Variants in ACAD10 observed in about 807,000 individuals in gnomAD.
ACAD10 encodes acyl-CoA dehydrogenase family member 10, also known as ACAD-10.
In ACAD10, 112 loss-of-function variants were observed where a neutral mutation model predicts 116.8. That is an observed-to-expected ratio of 0.96 (90% confidence interval 0.82 to 1.12). The LOEUF (loss-of-function observed/expected upper bound fraction) is 1.12, where lower values mean the gene tolerates loss of function less well. Ranked by LOEUF, ACAD10 falls within the 50% of genes most tolerant of loss-of-function variation. ACAD10 has a pLI of 0.00. For missense variants in ACAD10, 1,259 were observed against 1,350.2 expected, an observed-to-expected ratio of 0.93 and a Z score of 1.06; for synonymous variants, 486 against 510.6, an observed-to-expected ratio of 0.95 and a Z score of 0.65.
chr12:111,747,643 C>A, intron 16 of ACAD10: 1 of 1,286,178 alleles, frequency 7.8e-7, no homozygotes, highest in Non-Finnish European at 9.9e-7. Flanking sequence ...GCACATGTGA[C>A]CCCAGGAATC....
intron 7 of ACAD10, among the ~76,000 whole-genome samples, chr12:111,719,398 C>T (rs1888949482): frequency 1.3e-5 from 2 of 151,858 alleles, no homozygotes; most frequent in African/African-American, 4.8e-5. Flanking sequence ...GGACTACAGG[C>T]ACATACCACC....
intron 2 of ACAD10, among the ~76,000 whole-genome samples, chr12:111,699,165 A>C (rs550274029): frequency 3.9e-4 from 60 of 152,304 alleles, no homozygotes; most frequent in Non-Finnish European, 6.9e-4. Flanking sequence ...GATTTTAGCC[A>C]TGAGTCACCA....
At chr12:111,752,870 G>A (rs925818859) in intron 18 of ACAD10, 2 of 151,328 alleles carry the variant, frequency 1.3e-5, no homozygotes, top group Admixed American at 1.3e-4. Context: ...TAGGCTGGGT[G>A]TGGTGGTTCA....
intron 3 of ACAD10, 33 bp from the exon 4 acceptor site, chr12:111,705,705 T>C (rs1566145324): frequency 1.9e-6 from 3 of 1,582,476 alleles, no homozygotes; most frequent in Admixed American, 1.8e-5. Context: ...CTCTTAATGA[T>C]TGCTGTTCTC....
intron 3 of ACAD10, among the ~76,000 whole-genome samples, chr12:111,705,257 A>G (rs1888464826): frequency 6.6e-6 from 1 of 151,544 alleles, no homozygotes; most frequent in Admixed American, 6.6e-5. Context: ...TCCATTCCCT[A>G]CTGTGTTGCT....
chr12:111,754,339 AG>A (rs1464828250), intron 19 of ACAD10, among the ~76,000 whole-genome samples: 1 of 152,172 alleles, frequency 6.6e-6, no homozygotes, highest in African/African-American at 2.4e-5. Context: ...TTATTTTTTG[AG>A]ACAGGGCCTT....
intron 2 of ACAD10, among the ~76,000 whole-genome samples, chr12:111,697,167 G>C (rs695047): frequency 0.18 from 26,812 of 151,290 alleles, 2,462 homozygotes; most frequent in East Asian, 0.28. Context: ...CTGGAACTCG[G>C]GAGGCAGAGG....
chr12:111,704,688 CTTTTTTTTTTT>C, intron 3 of ACAD10, among the ~76,000 whole-genome samples: 1 of 126,136 alleles, frequency 7.9e-6, no homozygotes, highest in South Asian at 2.5e-4. Flanking sequence ...TTCTTTCTTT[CTTTTTTTTTTT>C]TTTTTTGAGA....
At chr12:111,735,914 CTG>C (rs1335919025) in intron 11 of ACAD10, among the ~76,000 whole-genome samples, 1 of 152,148 alleles carries the variant, frequency 6.6e-6, no homozygotes, top group African/African-American at 2.4e-5. Context: ...GAGTCTCACT[CTG>C]TCGCCCAGGC....
At position 111,756,605 on chromosome 12, in the gene ACAD10, G is replaced by C. The variant is rs1205414809; in HGVS notation, c.*132G>C. ...CAGCAGCTCTGTCCCGGGACAGTCA[G>C]GGTGGACTCAATCTTTCTGGTTCTC... On this transcript the variant is annotated 3_prime_UTR_variant, in exon 21 of 21. Coordinates refer to ENST00000313698, the MANE Select transcript of ACAD10 (RefSeq NM_025247.6). 7.2e-7 allele frequency: 1 copy of C among 1,381,778 alleles called. No individual in the cohort carries two copies. The highest frequency in any genetic ancestry group is 1.4e-5 in the African/African-American group (1 of 70,086). 85.6% of individuals were successfully genotyped at this position (1,381,778 alleles called of 1,614,324 possible).
chr12:111,706,159 A>C (rs1201136245), intron 4 of ACAD10, among the ~76,000 whole-genome samples: 1 of 152,210 alleles, frequency 6.6e-6, no homozygotes, highest in Non-Finnish European at 1.5e-5. Flanking sequence ...TTGACACTTC[A>C]GCTTTACATT....
At chr12:111,701,607 A>C (rs185856635) in intron 2 of ACAD10, among the ~76,000 whole-genome samples, 1 of 152,284 alleles carries the variant, frequency 6.6e-6, no homozygotes, top group African/African-American at 2.4e-5. Flanking sequence ...GGAGGTTGCA[A>C]TGAGCTGAGA....
intron 19 of ACAD10, among the ~76,000 whole-genome samples, chr12:111,755,030 G>T (rs1566171962): frequency 2.0e-5 from 3 of 152,182 alleles, no homozygotes; most frequent in Non-Finnish European, 2.9e-5. Context: ...TTGGACGGTG[G>T]TGTTTGACTT....
intron 16 of ACAD10, chr12:111,747,719 C>T (rs994955342): frequency 5.4e-5 from 61 of 1,139,210 alleles, no homozygotes; most frequent in East Asian, 1.2e-4. Flanking sequence ...CCTGGCTCCT[C>T]GATCAGGTGT....
chr12:111,723,086 G>C (rs1421538064), intron 8 of ACAD10, among the ~76,000 whole-genome samples: 32 of 145,790 alleles, frequency 2.2e-4, no homozygotes, highest in Non-Finnish European at 3.0e-5. Flanking sequence ...TCCCAGTAGG[G>C]GCGGCCGGGC....
chr12:111,708,910 C>CCTCTTA (rs1258619312), intron 4 of ACAD10, among the ~76,000 whole-genome samples: 1 of 152,000 alleles, frequency 6.6e-6, no homozygotes, highest in Non-Finnish European at 1.5e-5. Flanking sequence ...AGTACAGGAG[C>CCTCTTA]CTCTTAGCAT....
chr12:111,703,699 G>A (rs1373666102), intron 3 of ACAD10, among the ~76,000 whole-genome samples: 2 of 151,948 alleles, frequency 1.3e-5, no homozygotes, highest in African/African-American at 4.8e-5. Context: ...TTAGCCAGGC[G>A]TGGTGGTGGG....
chr12:111,692,895 A>T lies in ACAD10; in HGVS notation c.186A>T (p.Ala62=). The T allele has an allele frequency of 6.2e-7, 1 of 1,613,742 alleles. No homozygotes were observed. The highest frequency in any genetic ancestry group is 2.2e-5 in the East Asian group (1 of 44,864). ...VLIPSPGRVA[A]EWEVQNRIPS... ...TTCCTTCTCCAGGGAGAGTCGCTGC[A>T]GGTGAGCTATTGATTCTGTTTCACT... is the stretch of plus-strand genomic sequence containing the variant. Residue 62 remains alanine (A), a splice_region_variant and synonymous_variant, in exon 2 of 21, where the codon GCA becomes GCT. Transcript: ENST00000313698.
chr12:111,729,739 T>G (rs1377407118), intron 9 of ACAD10, 67 bp from the exon 10 acceptor site: 11 of 1,554,942 alleles, frequency 7.1e-6, no homozygotes, highest in Middle Eastern at 1.7e-4. Context: ...ACTGCACTGG[T>G]TTTTTTTTCC....
Sources: gnomAD v4.1 joint callset for allele counts (sites outside exome capture counted in the v4.1 genomes callset) on GRCh38, gnomAD v4.1.1 for gene constraint, MANE v1.5 for transcripts, NCBI Gene and HGNC (gene_info 2026-07-23, HGNC 2026-07-21) for gene names.